Variants in BCOR observed in about 807,000 individuals in gnomAD.
BCOR encodes BCL6 corepressor.
BCOR carries 10 observed loss-of-function variants against 86.7 expected under a neutral mutation model. That is an observed-to-expected ratio of 0.12 (90% CI 0.07 to 0.20). The LOEUF is 0.20. BCOR is among the 10% of genes least tolerant of loss of function. The probability of loss-of-function intolerance (pLI) is 1.00; values close to 1 mark genes in which losing one functional copy is unlikely to be tolerated. For missense variants in BCOR, 1,259 were observed against 1,452.1 expected (o/e 0.87, Z 2.16); for synonymous variants, 611 against 609.0 (o/e 1.00, Z -0.05).
At chrX:40,149,989 GAGA>G (rs1322205530) in intron 1 of BCOR, among the ~76,000 whole-genome samples, 5 of 112,620 alleles carry the variant, frequency 4.4e-5, no homozygotes, top group African/African-American at 1.6e-4. Flanking sequence ...GAAAGGGGAC[GAGA>G]AGGAGACTGG....
intron 1 of BCOR, among the ~76,000 whole-genome samples, chrX:40,130,443 C>T (rs1447338466): frequency 1.8e-5 from 2 of 112,190 alleles, no homozygotes; most frequent in African/African-American, 6.5e-5. Context: ...GGTGTGAGTT[C>T]GTCAATGAGA....
intron 1 of BCOR, chrX:40,146,757 C>G (rs1453993406): frequency 8.9e-6 from 1 of 112,217 alleles, no homozygotes; most frequent in Non-Finnish European, 1.9e-5. Context: ...CTGGGCCCTG[C>G]GGCGCGATCA....
intron 1 of BCOR, among the ~76,000 whole-genome samples, chrX:40,148,713 G>A (rs1007309380): frequency 9.9e-5 from 11 of 111,092 alleles, no homozygotes; most frequent in Admixed American, 2.9e-4. Flanking sequence ...TATCTCATGT[G>A]CCGCGGCAGC....
rs1245194583 is a variant in BCOR at position 40,071,044 on chromosome X, C to T, written c.3167G>A (p.Gly1056Glu). ...CGACTTTGGCTTTTTGTCCTGATTT[C>T]CTTTCAACCTTTCCCAGTCGGCTGG... Reference protein sequence around the residue: ...FSPADWERLKGNQDKKPKSVT... With the variant: ...FSPADWERLKENQDKKPKSVT... The change falls in exon 6 of 15, where the codon GGA becomes GAA. Residue 1056 changes from glycine (G) to glutamate (E), a missense_variant. Coordinates refer to ENST00000378444, the MANE Select transcript of BCOR (RefSeq NM_001123385.2). The T allele has an allele frequency of 2.5e-6, 3 of 1,209,774 alleles. No homozygotes were observed. In the East Asian group the frequency reaches 8.9e-5, roughly 36 times the overall value.
intron 1 of BCOR, among the ~76,000 whole-genome samples, chrX:40,111,369 A>T (rs1937309367): frequency 8.9e-6 from 1 of 111,896 alleles, no homozygotes; most frequent in African/African-American, 3.3e-5. Flanking sequence ...GGACTTCTTG[A>T]AAGAGGTGTC....
intron 1 of BCOR, among the ~76,000 whole-genome samples, chrX:40,113,195 T>G (rs1236859481): frequency 1.9e-5 from 2 of 105,117 alleles, no homozygotes; most frequent in Non-Finnish European, 3.9e-5. Flanking sequence ...ATTTATTTAT[T>G]TATTTATTTA....
At chrX:40,163,145 C>T (rs1256998785) in intron 1 of BCOR, among the ~76,000 whole-genome samples, 1 of 111,502 alleles carries the variant, frequency 9.0e-6, no homozygotes, top group East Asian at 2.8e-4. Flanking sequence ...GGGGCGGTGA[C>T]TTATAAGGCA....
intron 1 of BCOR, among the ~76,000 whole-genome samples, chrX:40,147,169 C>T (rs1938076658): frequency 9.0e-6 from 1 of 111,412 alleles, no homozygotes; most frequent in Non-Finnish European, 1.9e-5. Context: ...CGTCCCAGCC[C>T]ACATCAGCGG....
intron 1 of BCOR, among the ~76,000 whole-genome samples, chrX:40,079,009 T>C (rs1407334226): frequency 1.8e-5 from 2 of 111,761 alleles, no homozygotes; most frequent in Non-Finnish European, 3.8e-5. Context: ...CTTCAGCCCA[T>C]ATCCTGCTGT....
rs758579970 is a variant in BCOR at position 40,073,498 on chromosome X, G to A, written c.1848C>T (p.Gly616=). 10 of 1,211,363 alleles carry A rather than the reference G, an allele frequency of 8.3e-6. No individual in the cohort carries two copies. The highest frequency in any genetic ancestry group is 8.9e-6 in the Non-Finnish European group (8 of 895,558). ...TCGGTTCTGGGTTGCTGGCTTTGGC[G>A]CCCTTGCTGCTGGTGCTGCTACTGT... ...AKHSSSTSSK[G]AKASNPEPSF... The change falls in exon 4 of 15, where the codon GGC becomes GGT. Residue 616 remains glycine (G), a synonymous_variant. Coordinates refer to ENST00000378444, the MANE Select transcript of BCOR (RefSeq NM_001123385.2).
chrX:40,129,768 G>C (rs1045457766), intron 1 of BCOR, among the ~76,000 whole-genome samples: 2 of 110,748 alleles, frequency 1.8e-5, no homozygotes, highest in African/African-American at 6.6e-5. Context: ...TGCCGGGTGC[G>C]GTGGCTCACG....
chrX:40,157,970 CCT>C (rs1938331568), intron 1 of BCOR, among the ~76,000 whole-genome samples: 1 of 112,524 alleles, frequency 8.9e-6, no homozygotes, highest in Non-Finnish European at 1.9e-5. Context: ...TGCTTTGAGC[CCT>C]GTGTTTTTAC....
intron 3 of BCOR, 83 bp downstream of exon 3, chrX:40,076,371 T>G: frequency 5.5e-5 from 38 of 693,453 alleles, no homozygotes; most frequent in East Asian, 1.2e-4. Flanking sequence ...TTCCCCACCC[T>G]TTAAGGGCAT....
At chrX:40,161,198 GTTTT>G (rs201049147) in intron 1 of BCOR, among the ~76,000 whole-genome samples, 2 of 100,330 alleles carry the variant, frequency 2.0e-5, no homozygotes, top group Non-Finnish European at 4.1e-5. Flanking sequence ...GTTTTTTGGG[GTTTT>G]TTTTTGTTTT....
intron 1 of BCOR, among the ~76,000 whole-genome samples, chrX:40,109,487 A>G (rs1173707096): frequency 1.8e-5 from 2 of 111,446 alleles, no homozygotes; most frequent in Non-Finnish European, 1.9e-5. Flanking sequence ...CTCGCTCGCC[A>G]TGGCCGGCGA....
In BCOR at chrX:40,054,296, GTCA is replaced by G. The variant is rs2146871024; in HGVS notation, c.4776_4778del (p.Asp1593del). On this transcript the variant is annotated inframe_deletion, in exon 13 of 15. Coordinates refer to ENST00000378444, the MANE Select transcript of BCOR (RefSeq NM_001123385.2). ...CATAGAAGTCCCAAGTGCCACTGGC[GTCA>G]TCATCATTGCGACCCTGGAGGTCAT... The G allele has an allele frequency of 8.3e-7, 1 of 1,208,495 alleles. No individual in the cohort carries two copies. The highest frequency in any genetic ancestry group is 1.1e-6 in the Non-Finnish European group (1 of 893,264).
chrX:40,101,707 TG>T (rs1937077543), upstream of BCOR, among the ~76,000 whole-genome samples: 1 of 112,529 alleles, frequency 8.9e-6, no homozygotes, highest in African/African-American at 3.2e-5. Flanking sequence ...ATCCTGTGTT[TG>T]GGGGGACCCT....
At chrX:40,124,552 G>A (rs1171538538) in intron 1 of BCOR, among the ~76,000 whole-genome samples, 2 of 110,363 alleles carry the variant, frequency 1.8e-5, no homozygotes, top group Admixed American at 1.9e-4. Context: ...CGTGAGCCAC[G>A]GCACCTAGCC....
intron 1 of BCOR, among the ~76,000 whole-genome samples, chrX:40,127,861 A>AAAATAAAT (rs56092715): frequency 0.056 from 4,825 of 85,869 alleles, 152 homozygotes; most frequent in Admixed American, 0.073. Context: ...ACCTTGTCTC[A>AAAATAAAT]AAATAAATAA....
Sources: allele counts gnomAD v4.1 joint callset (sites outside exome capture counted in the v4.1 genomes callset), GRCh38; gene constraint gnomAD v4.1.1; transcripts MANE v1.5; gene names NCBI Gene and HGNC (gene_info 2026-07-23, HGNC 2026-07-21).